CLEC4G: variants seen among roughly 807,000 people sequenced by gnomAD.
CLEC4G encodes C-type lectin superfamily 4, member G.
In CLEC4G, 34 loss-of-function variants were observed where a neutral mutation model predicts 37.0. The ratio of observed to expected loss-of-function variants is 0.92; its 90% CI spans 0.70 to 1.22. The LOEUF (loss-of-function observed/expected upper bound fraction) is 1.22, where lower values mean the gene tolerates loss of function less well. CLEC4G is among the 50% of genes most tolerant of loss of function. CLEC4G has a pLI of 0.00. For synonymous variants in CLEC4G, 167 were observed against 165.6 expected, an observed-to-expected ratio of 1.01 and a Z score of -0.06; for missense variants, 390 against 392.9, an observed-to-expected ratio of 0.99 and a Z score of 0.06.
intron 2 of CLEC4G, 94 bp downstream of exon 2, chr19:7,731,567 C>T: frequency 6.6e-7 from 1 of 1,522,078 alleles, no homozygotes; most frequent in Non-Finnish European, 8.9e-7. Flanking sequence ...CAGACGCGAA[C>T]AGGACCCCAG....
chr19:7,729,056 C>A lies in CLEC4G; in HGVS notation c.*310G>T. The A allele has an allele frequency of 2.1e-6, 1 of 470,560 alleles. No individual in the cohort carries two copies. The highest frequency in any genetic ancestry group is 4.0e-6 in the Non-Finnish European group (1 of 248,252). The allele number at this position is 470,560 out of a possible 1,614,324, so 29.1% of individuals were successfully genotyped here. ...GCGAGAAAACCAAACAGCTCCAGTCCTCAGTCACCTAACCTTGGTTAGGGA... is the reference window on the plus strand; with the variant it reads ...GCGAGAAAACCAAACAGCTCCAGTCATCAGTCACCTAACCTTGGTTAGGGA... On this transcript the variant is annotated 3_prime_UTR_variant, in exon 9 of 9. Coordinates refer to ENST00000328853, the MANE Select transcript of CLEC4G (RefSeq NM_198492.4).
chr19:7,730,869 G>A lies in CLEC4G; in HGVS notation c.284-10C>T. The A allele has an allele frequency of 1.3e-6, 2 of 1,528,914 alleles. No homozygotes were observed. Among genetic ancestry groups the A allele is most frequent in the South Asian group, 1.2e-5 (1 of 83,404 alleles). The allele number at this position is 1,528,914 out of a possible 1,614,324, so 94.7% of individuals were successfully genotyped here. A position where few individuals can be genotyped will look rare whatever the true frequency, so the allele number is the denominator to read the frequency against. On this transcript the variant is annotated splice_polypyrimidine_tract_variant and intron_variant, in intron 4 of 8. Transcript: ENST00000328853. This position sits in a 1 kb window ranked among gnomAD's most constrained non-coding sequence, Gnocchi z 7.3. ...GCCTGCGTCCCCGAGCCTGGGAGCC[G>A]CAGGGTGAGAGGGGCGAGGGCGGCG...
chr19:7,730,159 C>A lies in CLEC4G; in HGVS notation c.487G>T (p.Glu163Ter). Reference protein sequence around the residue: ...EAVRLQNNSCEPCPTSWLSFE... With the variant: ...EAVRLQNNSC Reference sequence around the variant, plus strand: ...GACAGCCACGACGTGGGGCACGGCTCGCAGGAGTCTGCGGGGTGGCGAGGG... The same window carrying A: ...GACAGCCACGACGTGGGGCACGGCTAGCAGGAGTCTGCGGGGTGGCGAGGG... The change falls in exon 7 of 9, where the codon GAG becomes TAG. Residue 163 changes from glutamate to a stop codon, truncating the protein, a stop_gained. Transcript: ENST00000328853. LOFTEE classifies it high-confidence loss of function. The surrounding 1 kb of genome is among the most constrained non-coding windows in gnomAD (Gnocchi z 7.3). The A allele has an allele frequency of 1.2e-6, 2 of 1,612,086 alleles. No homozygotes were observed. The highest frequency in any genetic ancestry group is 1.7e-6 in the Non-Finnish European group (2 of 1,179,418).
intron 2 of CLEC4G, 86 bp downstream of exon 2, chr19:7,731,575 C>T: frequency 2.6e-6 from 4 of 1,539,582 alleles, no homozygotes; most frequent in Admixed American, 2.0e-5. Flanking sequence ...AACAGGACCC[C>T]AGGATGCAGC....
At position 7,729,039 on chromosome 19, in the gene CLEC4G, A is replaced by C; in HGVS notation, c.*327T>G. On this transcript the variant is annotated 3_prime_UTR_variant, in exon 9 of 9. Coordinates refer to ENST00000328853, the MANE Select transcript of CLEC4G (RefSeq NM_198492.4). The stretch of plus-strand genomic sequence containing the variant: ...CCAGTTTGGTGGAAAATGCGAGAAA[A>C]CCAAACAGCTCCAGTCCTCAGTCAC... 1 of 425,132 alleles carries C rather than the reference A, an allele frequency of 2.4e-6. No individual in the cohort carries two copies. The highest frequency in any genetic ancestry group is 4.5e-6 in the Non-Finnish European group (1 of 223,212). 26.3% of individuals were successfully genotyped at this position (425,132 alleles called of 1,614,324 possible).
At position 7,730,670 on chromosome 19, in the gene CLEC4G, C is replaced by T. The variant is rs184397501; in HGVS notation, c.388+85G>A. ...TCAGGGTCAGGACGGGGTGCATGAT[C>T]GGGGTCGGGGGTCAGCACTCAGGAC... On this transcript the variant is annotated intron_variant, in intron 5 of 8. Coordinates refer to ENST00000328853, the MANE Select transcript of CLEC4G (RefSeq NM_198492.4). This position sits in a 1 kb window ranked among gnomAD's most constrained non-coding sequence, Gnocchi z 7.3. 3.9e-4 allele frequency: 550 copies of T among 1,414,778 alleles called. 1 individual carries two copies. In the African/African-American group the frequency reaches 5.9e-3, roughly 15 times the overall value. The allele number at this position is 1,414,778 out of a possible 1,614,324, so 87.6% of individuals were successfully genotyped here.
chr19:7,730,474 G>C lies in CLEC4G; in HGVS notation c.389-34C>G, dbSNP rs143587575. 6.3e-7 allele frequency: 1 copy of C among 1,595,564 alleles called. No homozygotes were observed. Among genetic ancestry groups the C allele is most frequent in the Non-Finnish European group, 8.5e-7 (1 of 1,178,042 alleles). On this transcript the variant is annotated intron_variant, in intron 5 of 8. Coordinates refer to ENST00000328853, the MANE Select transcript of CLEC4G (RefSeq NM_198492.4). This position sits in a 1 kb window ranked among gnomAD's most constrained non-coding sequence, Gnocchi z 7.3. ...TCAAGGGAGCGGGGATTATGGCTGG[G>C]GTCAGGGCCAGGACCAGGGTCATGA...
chr19:7,731,376 CG>C lies in CLEC4G; in HGVS notation c.167-58del, dbSNP rs140925431. ...GGAACTCGGGAATCCTCCCCTCGCC[CG>C]GGGGGTGCAGCGTCCCCCAACTCGG... On this transcript the variant is annotated intron_variant, in intron 2 of 8. Transcript: ENST00000328853. 1.6e-3 allele frequency: 2,514 copies of C among 1,531,842 alleles called. 29 individuals are homozygous for C. In the African/African-American group the frequency reaches 0.025, roughly 15 times the overall value. The allele number at this position is 1,531,842 out of a possible 1,614,324, so 94.9% of individuals were successfully genotyped here. A position where few individuals can be genotyped will look rare whatever the true frequency, so the allele number is the denominator to read the frequency against.
At chr19:7,731,622 G>C in intron 2 of CLEC4G, 39 bp downstream of exon 2, 1 of 1,607,594 alleles carries the variant, frequency 6.2e-7, no homozygotes, top group African/African-American at 1.3e-5. Context: ...TGTCCCCAGG[G>C]GGGCCGGATG....
At chr19:7,729,547 G>A (rs747017030) in intron 8 of CLEC4G, 43 bp from the exon 9 acceptor site, 2 of 1,485,006 alleles carry the variant, frequency 1.3e-6, no homozygotes, top group South Asian at 2.5e-5. Flanking sequence ...AATCTAGACA[G>A]AGGATGAACT....
chr19:7,732,024 A>G, intron 1 of CLEC4G, 24 bp downstream of exon 1: 1 of 1,573,494 alleles, frequency 6.4e-7, no homozygotes, highest in South Asian at 1.1e-5. Context: ...TGGGGCAGGG[A>G]TGGGGCAGTC....
intron 1 of CLEC4G, 23 bp downstream of exon 1, chr19:7,732,025 T>C (rs778627097): frequency 1.9e-6 from 3 of 1,574,378 alleles, no homozygotes; most frequent in Admixed American, 3.3e-5. Context: ...GGGGCAGGGA[T>C]GGGGCAGTCT....
intron 8 of CLEC4G, 37 bp downstream of exon 8, chr19:7,729,784 C>A: frequency 2.5e-6 from 4 of 1,612,028 alleles, no homozygotes; most frequent in Non-Finnish European, 3.4e-6. Context: ...CCTAACCTGT[C>A]TCCCTCCCCA....
rs2033403026 is a variant in CLEC4G, at chr19:7,730,028, C to T, written c.618G>A (p.Leu206=). ...ASAHLVIVGG[L]DEQGFLTRNT... ...CCCTCCCCCTGCGCACCTGCTCATC[C>T]AGGCCCCCAACGATCACCAGGTGCG... Residue 206 remains leucine (L), a synonymous_variant, in exon 7 of 9, where the codon CTG becomes CTA. Transcript: ENST00000328853. This position sits in a 1 kb window ranked among gnomAD's most constrained non-coding sequence, Gnocchi z 7.3. 6.3e-7 allele frequency: 1 copy of T among 1,599,882 alleles called. No homozygotes were observed. The highest frequency in any genetic ancestry group is 2.3e-5 in the East Asian group (1 of 44,262).
chr19:7,731,076 G>C lies in CLEC4G; in HGVS notation c.233C>G (p.Thr78Arg). 1 of 1,605,292 alleles carries C rather than the reference G, an allele frequency of 6.2e-7. No homozygotes were observed. The highest frequency in any genetic ancestry group is 8.5e-7 in the Non-Finnish European group (1 of 1,179,386). Residue 78 changes from threonine (T) to arginine (R), a missense_variant, in exon 4 of 9, where the codon ACG (threonine) becomes AGG (arginine). By Grantham distance (71) the Thr-to-Arg change is moderately conservative (BLOSUM62 -1). Coordinates refer to ENST00000328853, the MANE Select transcript of CLEC4G (RefSeq NM_198492.4). ...DLLRTNASKQ[T>R]AALGALKEEV... ...CTCCTTCAGGGCACCCAGCGCCGCC[G>C]TCTGCTTCGAGGCTGGAACGACCCC...
At position 7,731,339 on chromosome 19, in the gene CLEC4G, C is replaced by T. The variant is rs777956485; in HGVS notation, c.167-20G>A. On this transcript the variant is annotated intron_variant, in intron 2 of 8. Coordinates refer to ENST00000328853, the MANE Select transcript of CLEC4G (RefSeq NM_198492.4). ...TGGAGGCTGAGGAGAGAGGCTCCTG[C>T]AGGCGAGGCCGGGAACTCGGGAATC... The T allele has an allele frequency of 6.4e-7, 1 of 1,559,108 alleles. No homozygotes were observed. The highest frequency in any genetic ancestry group is 2.4e-5 in the East Asian group (1 of 42,542).
Position 7,730,335 on chromosome 19 carries a change from C to T in CLEC4G, c.478+16G>A, listed in dbSNP as rs774450301. On this transcript the variant is annotated intron_variant, in intron 6 of 8. Coordinates refer to ENST00000328853, the MANE Select transcript of CLEC4G (RefSeq NM_198492.4). The surrounding 1 kb of genome is among the most constrained non-coding windows in gnomAD (Gnocchi z 7.3). ...TACGCCCTCACAGCCCGCCCCCGAC[C>T]CCCCGTCTCGCTCACTGTTCTGGAG... is the stretch of plus-strand genomic sequence containing the variant. 1.3e-6 allele frequency: 2 copies of T among 1,593,258 alleles called. No homozygotes were observed. Among genetic ancestry groups the T allele is most frequent in the Non-Finnish European group, 1.7e-6 (2 of 1,173,176 alleles).
Position 7,730,772 on chromosome 19 carries a change from C to G in CLEC4G, c.371G>C (p.Arg124Pro), listed in dbSNP as rs2033416783. The G allele has an allele frequency of 2.0e-6, 3 of 1,532,274 alleles. No homozygotes were observed. The highest frequency in any genetic ancestry group is 2.6e-6 in the Non-Finnish European group (3 of 1,145,720). 94.9% of individuals were successfully genotyped at this position (1,532,274 alleles called of 1,614,324 possible). A position where few individuals can be genotyped will look rare whatever the true frequency, so the allele number is the denominator to read the frequency against. Reference sequence around the variant, plus strand: ...GCCCTCACCGCGCTCACGCAGTTCCCGCAGGGCGCTCTCCTGCTCCATCAG... The same window carrying G: ...GCCCTCACCGCGCTCACGCAGTTCCGGCAGGGCGCTCTCCTGCTCCATCAG... ...AKLMEQESAL[R>P]ELRERVTQGL... Residue 124 changes from arginine to proline, a missense_variant, in exon 5 of 9, where the codon CGG (arginine) becomes CCG (proline). By Grantham distance (103) the Arg-to-Pro change is moderately radical. Coordinates refer to ENST00000328853, the MANE Select transcript of CLEC4G (RefSeq NM_198492.4). This position sits in a 1 kb window ranked among gnomAD's most constrained non-coding sequence, Gnocchi z 7.3.
Position 7,731,079 on chromosome 19 carries a change from T to TAAGC in CLEC4G, c.229_230insGCTT (p.Gln77ArgfsTer53). The TAAGC allele has an allele frequency of 6.2e-7, 1 of 1,605,674 alleles. No homozygotes were observed. The highest frequency in any genetic ancestry group is 1.3e-5 in the African/African-American group (1 of 74,950). On this transcript the variant is annotated frameshift_variant, in exon 4 of 9. Coordinates refer to ENST00000328853, the MANE Select transcript of CLEC4G (RefSeq NM_198492.4). LOFTEE classifies it high-confidence loss of function. ...CTTCAGGGCACCCAGCGCCGCCGTC[T>TAAGC]GCTTCGAGGCTGGAACGACCCCCGC...
Sources: gnomAD v4.1 joint callset for allele counts on GRCh38, gnomAD v4.1.1 for gene constraint, Gnocchi (gnomAD v3.1) non-coding constraint, MANE v1.5 for transcripts, NCBI Gene and HGNC (gene_info 2026-07-23, HGNC 2026-07-21) for gene names.